The following CTNNA1 variants were observed in gnomAD, a reference collection of about 807,000 sequenced individuals.
The protein encoded by CTNNA1 is catenin alpha-1.
Under a neutral mutation model 98.4 loss-of-function variants are expected in CTNNA1, and 37 were observed. That is an observed-to-expected ratio of 0.38 (90% CI 0.29 to 0.49). CTNNA1 has a LOEUF of 0.49. CTNNA1 is among the 20% of genes least tolerant of loss of function. CTNNA1 has a pLI of 0.95. For missense variants in CTNNA1, 761 were observed against 1,147.2 expected, an observed-to-expected ratio of 0.66 and a Z score of 4.86; for synonymous variants, 404 against 413.2, an observed-to-expected ratio of 0.98 and a Z score of 0.27.
intron 11 of CTNNA1, among the ~76,000 whole-genome samples, chr5:138,918,190 T>C (rs1433419629): frequency 6.6e-6 from 1 of 151,770 alleles, no homozygotes; most frequent in East Asian, 1.9e-4. Context: ...TCCCTGCTTG[T>C]ATAGAGTGAG....
chr5:138,775,834 T>G (rs1171368508), intron 1 of CTNNA1, among the ~76,000 whole-genome samples: 1 of 150,916 alleles, frequency 6.6e-6, no homozygotes, highest in Non-Finnish European at 1.5e-5. Context: ...GCCATTCTCT[T>G]GTTTTAGCCT....
At chr5:138,764,947 C>G (rs1181361316) in intron 1 of CTNNA1, among the ~76,000 whole-genome samples, 3 of 133,448 alleles carry the variant, frequency 2.2e-5, no homozygotes, top group African/African-American at 8.5e-5. Flanking sequence ...GATCTCTCTT[C>G]ACTGCAGCCT....
chr5:138,787,635 A>T (rs1189652558), intron 3 of CTNNA1, among the ~76,000 whole-genome samples: 1 of 152,152 alleles, frequency 6.6e-6, no homozygotes, highest in Admixed American at 6.5e-5. Context: ...GTAGTTATTT[A>T]TGTGTTTATT....
At chr5:138,831,472 C>G (rs1042853717) in intron 7 of CTNNA1, among the ~76,000 whole-genome samples, 3 of 152,196 alleles carry the variant, frequency 2.0e-5, no homozygotes, top group African/African-American at 7.2e-5. Context: ...TCCTCACTTT[C>G]TCCATTTTCC....
Position 138,873,376 on chromosome 5 carries a change from T to C in CTNNA1, c.1063-12836T>C, listed in dbSNP as rs1224651282. 1 of 1,613,962 alleles carries C rather than the reference T, an allele frequency of 6.2e-7. No homozygotes were observed. The highest frequency in any genetic ancestry group is 2.2e-5 in the East Asian group (1 of 44,908). On this transcript the variant is annotated intron_variant, in intron 7 of 17. Coordinates refer to ENST00000302763, the MANE Select transcript of CTNNA1 (RefSeq NM_001903.5). This position sits in a 1 kb window ranked among gnomAD's most constrained non-coding sequence, Gnocchi z 6.1. ...CTATGCCTGCAGTAGTTGGGATTTC[T>C]TTGTCTCCCACATGGTAACTTGATG...
chr5:138,755,767 A>G (rs1249829416), intron 1 of CTNNA1, among the ~76,000 whole-genome samples: 1 of 147,520 alleles, frequency 6.8e-6, no homozygotes, highest in Non-Finnish European at 1.5e-5. Flanking sequence ...CCAAAGTGGG[A>G]CTCCTGTCTC....
At chr5:138,901,431 A>G (rs761330527) in intron 9 of CTNNA1, among the ~76,000 whole-genome samples, 18 of 152,136 alleles carry the variant, frequency 1.2e-4, no homozygotes, top group Non-Finnish European at 2.5e-4. Context: ...AACTGCTGGT[A>G]TTACAAGCAT....
At chr5:138,824,095 G>A (rs1396712076) in intron 5 of CTNNA1, among the ~76,000 whole-genome samples, 1 of 151,324 alleles carries the variant, frequency 6.6e-6, no homozygotes, top group Non-Finnish European at 1.5e-5. Context: ...TATCTATATA[G>A]AGTTGTAATC....
At chr5:138,924,787 TGTGGTGAGGAAGGAG>T in intron 12 of CTNNA1, 77 bp downstream of exon 12, 1 of 1,307,800 alleles carries the variant, frequency 7.6e-7, no homozygotes, top group South Asian at 1.3e-5. Flanking sequence ...AGCCCAGCCC[TGTGGTGAGGAAGGAG>T]GAGTTGGGAA....
chr5:138,913,609 T>C (rs1761127543), intron 10 of CTNNA1, among the ~76,000 whole-genome samples: 1 of 151,940 alleles, frequency 6.6e-6, no homozygotes, highest in Admixed American at 6.6e-5. Flanking sequence ...ATTCAGTTGA[T>C]GTACTTCAAT....
rs1765627973 is a variant in CTNNA1, at chr5:138,932,689, G to A, written c.2410G>A (p.Gly804Ser). The change falls in exon 17 of 18, where the codon GGC becomes AGC. Residue 804 changes from glycine (G) to serine (S), a missense_variant. Gly to Ser is a moderately conservative substitution (Grantham distance 56). This residue lies in a region of CTNNA1 where 12 missense variants were observed against 47.3 expected (regional missense o/e 0.25). Coordinates refer to ENST00000302763, the MANE Select transcript of CTNNA1 (RefSeq NM_001903.5). ...GGTCAAGGCCGAGGTGCAGAATCTC[G>A]GCGGGGAGCTTGTTGTCTCTGGGGT... Reference protein sequence around the residue: ...SKVKAEVQNLGGELVVSGVDS... With the variant: ...SKVKAEVQNLSGELVVSGVDS... The A allele has an allele frequency of 6.2e-7, 1 of 1,614,178 alleles. No individual in the cohort carries two copies. The highest frequency in any genetic ancestry group is 1.1e-5 in the South Asian group (1 of 91,076).
At chr5:138,807,069 G>T (rs1237486842) in intron 3 of CTNNA1, among the ~76,000 whole-genome samples, 1 of 148,850 alleles carries the variant, frequency 6.7e-6, no homozygotes, top group Non-Finnish European at 1.5e-5. Flanking sequence ...GGAGTGCAGT[G>T]GCGCAATCTC....
chr5:138,761,237 GTTAT>G (rs1319280731), intron 1 of CTNNA1, among the ~76,000 whole-genome samples: 3 of 152,136 alleles, frequency 2.0e-5, no homozygotes, highest in Admixed American at 1.3e-4. Flanking sequence ...TCACACAACT[GTTAT>G]TTATTTTTTT....
intron 7 of CTNNA1, among the ~76,000 whole-genome samples, chr5:138,866,523 T>G (rs1384210338): frequency 6.6e-6 from 1 of 152,158 alleles, no homozygotes; most frequent in East Asian, 1.9e-4. Flanking sequence ...GTTTCCTAAG[T>G]GAGGCATGAA....
At chr5:138,854,603 T>C (rs1335150472) in intron 7 of CTNNA1, among the ~76,000 whole-genome samples, 2 of 152,138 alleles carry the variant, frequency 1.3e-5, no homozygotes, top group East Asian at 3.8e-4. Flanking sequence ...ACAGTGAAAA[T>C]AGAATAAAGG....
rs572749016 is a variant in CTNNA1 at position 138,811,664 on chromosome 5, C to G, written c.469-519C>G. Among the ~76,000 whole-genome samples the G allele has an allele frequency of 1.5e-3, 227 of 152,192 alleles. 2 individuals carry two copies. The highest frequency in any genetic ancestry group is 5.1e-3 in the African/African-American group (211 of 41,552). ...AGTGAACCAGACTCCGTCTGCAATC[C>G]CGGCACCTCTGGAGGCCGAGGCTGG... On this transcript the variant is annotated intron_variant, in intron 4 of 17. Coordinates refer to ENST00000302763, the MANE Select transcript of CTNNA1 (RefSeq NM_001903.5).
Position 138,873,646 on chromosome 5 carries a change from G to A in CTNNA1, c.1063-12566G>A, listed in dbSNP as rs776404173. The A allele has an allele frequency of 2.8e-5, 45 of 1,614,024 alleles. No individual in the cohort carries two copies. Among genetic ancestry groups the A allele is most frequent in the Non-Finnish European group, 3.7e-5 (44 of 1,179,894 alleles). ...CCCACAGATTGCCAGAGAGACCAAC[G>A]GTTGTGAGGGATCTCAGGGAGTTTA... On this transcript the variant is annotated intron_variant, in intron 7 of 17. Transcript: ENST00000302763. The surrounding 1 kb of genome is among the most constrained non-coding windows in gnomAD (Gnocchi z 6.1).
intron 1 of CTNNA1, among the ~76,000 whole-genome samples, chr5:138,771,414 C>T (rs752784963): frequency 1.3e-5 from 2 of 151,964 alleles, no homozygotes; most frequent in Non-Finnish European, 2.9e-5. Flanking sequence ...ACAGAATCTC[C>T]CCCATCACTC....
At chr5:138,847,685 G>A (rs1762850703) in intron 7 of CTNNA1, among the ~76,000 whole-genome samples, 1 of 152,032 alleles carries the variant, frequency 6.6e-6, no homozygotes, top group African/African-American at 2.4e-5. Flanking sequence ...TTGCTTGTGG[G>A]GCATATTTTG....
Sources: allele counts gnomAD v4.1 joint callset (sites outside exome capture counted in the v4.1 genomes callset), GRCh38; gene constraint gnomAD v4.1.1; regional missense constraint gnomAD v4.1.1; non-coding constraint Gnocchi (gnomAD v3.1); transcripts MANE v1.5; gene names NCBI Gene and HGNC (gene_info 2026-07-23, HGNC 2026-07-21).